The following SLCO1B3 variants were observed in gnomAD, a reference collection of about 807,000 sequenced individuals.
SLCO1B3 encodes the protein solute carrier organic anion transporter family member 1B3, also known as liver-specific organic anion transporter 2.
In SLCO1B3, 72 loss-of-function variants were observed where a neutral mutation model predicts 71.8. The observed-to-expected ratio is 1.00, with a 90% CI of 0.83 to 1.22. The LOEUF (loss-of-function observed/expected upper bound fraction) is 1.22. SLCO1B3 is among the 50% of genes most tolerant of loss of function. The probability of loss-of-function intolerance (pLI) is 0.00; values close to 1 mark genes in which losing one functional copy is unlikely to be tolerated. For synonymous variants in SLCO1B3, 298 were observed against 278.4 expected (o/e 1.07, Z -0.70); for missense variants, 911 against 819.7 (o/e 1.11, Z -1.36).
chr12:20,819,626 G>A (rs1007876464), intron 3 of SLCO1B3, among the ~76,000 whole-genome samples: 3 of 152,182 alleles, frequency 2.0e-5, no homozygotes, highest in African/African-American at 7.2e-5. Flanking sequence ...TAACTTGTAA[G>A]GCTTGTCTGG....
chr12:20,889,427 T>C (rs1386973441), intron 13 of SLCO1B3, among the ~76,000 whole-genome samples: 1 of 152,138 alleles, frequency 6.6e-6, no homozygotes, highest in Non-Finnish European at 1.5e-5. Context: ...GGTTCAAACG[T>C]GTGAGGTTGT....
At chr12:20,847,685 C>T (rs1252150965) in intron 3 of SLCO1B3, among the ~76,000 whole-genome samples, 3 of 150,668 alleles carry the variant, frequency 2.0e-5, no homozygotes, top group Admixed American at 1.3e-4. Flanking sequence ...AAATTTCAGT[C>T]TGAGAAGCAG....
intron 14 of SLCO1B3, 82 bp from the exon 15 acceptor site, chr12:20,901,268 C>T: frequency 1.1e-6 from 1 of 918,898 alleles, no homozygotes; most frequent in East Asian, 2.8e-5. Flanking sequence ...TGTATTAATC[C>T]AAAATGTATC....
intron 4 of SLCO1B3, among the ~76,000 whole-genome samples, chr12:20,856,132 T>C (rs905363618): frequency 1.3e-5 from 2 of 152,224 alleles, no homozygotes; most frequent in African/African-American, 4.8e-5. Context: ...AATTGGAATG[T>C]TATTAGTTTT....
chr12:20,900,312 A>C (rs1866101841), intron 14 of SLCO1B3, among the ~76,000 whole-genome samples: 1 of 152,130 alleles, frequency 6.6e-6, no homozygotes, highest in African/African-American at 2.4e-5. Flanking sequence ...TTCATGTATA[A>C]ATCACTGTCA....
chr12:20,906,704 A>G (rs1369720624), intron 15 of SLCO1B3, among the ~76,000 whole-genome samples: 1 of 152,186 alleles, frequency 6.6e-6, no homozygotes, highest in Non-Finnish European at 1.5e-5. Flanking sequence ...TGAAACATAT[A>G]AAAAGATTGC....
intron 1 of SLCO1B3, among the ~76,000 whole-genome samples, chr12:20,813,290 T>G (rs1263052304): frequency 6.6e-6 from 1 of 152,206 alleles, no homozygotes; most frequent in Non-Finnish European, 1.5e-5. Context: ...GCAGTAGATC[T>G]TCATTATTCA....
intron 9 of SLCO1B3, 145 bp from the exon 10 acceptor site, chr12:20,877,627 C>A: frequency 3.2e-6 from 1 of 314,116 alleles, no homozygotes; most frequent in Non-Finnish European, 5.5e-6. Context: ...TCACATGTTC[C>A]ATTTATTTTG....
chr12:20,852,328 A>C (rs1423389828), intron 3 of SLCO1B3, among the ~76,000 whole-genome samples: 1 of 151,984 alleles, frequency 6.6e-6, no homozygotes, highest in Non-Finnish European at 1.5e-5. Context: ...AAAAAAAAGT[A>C]ATTAGTTAGG....
chr12:20,830,111 T>A (rs987345902), intron 3 of SLCO1B3, among the ~76,000 whole-genome samples: 27 of 151,956 alleles, frequency 1.8e-4, no homozygotes, highest in Non-Finnish European at 3.4e-4. Context: ...CAAGATGGAG[T>A]TGCTCTGGTT....
At chr12:20,828,333 A>G (rs1864470386) in intron 3 of SLCO1B3, among the ~76,000 whole-genome samples, 1 of 152,006 alleles carries the variant, frequency 6.6e-6, no homozygotes, top group African/African-American at 2.4e-5. Flanking sequence ...AACACAATAC[A>G]AAAACAGGCA....
In SLCO1B3 at chr12:20,916,321, C is replaced by G; in HGVS notation, c.*74C>G. ...TCACTGACAATTCCAACATTCTTTACTTACAGTGGACCAATGGATAAGTCT... is the reference window on the plus strand; with the variant it reads ...TCACTGACAATTCCAACATTCTTTAGTTACAGTGGACCAATGGATAAGTCT... On this transcript the variant is annotated 3_prime_UTR_variant, in exon 16 of 16. Transcript: ENST00000381545. 7.1e-7 allele frequency: 1 copy of G among 1,413,760 alleles called. No individual in the cohort carries two copies. Among genetic ancestry groups the G allele is most frequent in the Non-Finnish European group, 9.8e-7 (1 of 1,022,954 alleles). 87.6% of individuals were successfully genotyped at this position (1,413,760 alleles called of 1,614,324 possible).
At chr12:20,860,597 CTTTGTGTGTGTGTGTGTG>C (rs1240587770) in intron 5 of SLCO1B3, among the ~76,000 whole-genome samples, 1 of 80,156 alleles carries the variant, frequency 1.2e-5, no homozygotes, top group Non-Finnish European at 2.7e-5. Context: ...AAGTCAAGCA[CTTTGTGTGTGTGTGTGTG>C]TGTGTGTGTG....
intron 9 of SLCO1B3, among the ~76,000 whole-genome samples, chr12:20,876,381 C>T (rs1019597118): frequency 9.2e-5 from 14 of 152,272 alleles, no homozygotes; most frequent in African/African-American, 3.4e-4. Context: ...TGAAGCAGTG[C>T]AACCAACACT....
chr12:20,887,604 T>C (rs138133747), intron 13 of SLCO1B3, among the ~76,000 whole-genome samples: 35 of 152,108 alleles, frequency 2.3e-4, no homozygotes, highest in African/African-American at 7.7e-4. Context: ...TTCTTGTAGA[T>C]TCTGGATATT....
chr12:20,811,489 T>C (rs543418880), intron 1 of SLCO1B3, among the ~76,000 whole-genome samples: 167 of 152,332 alleles, frequency 1.1e-3, no homozygotes, highest in Middle Eastern at 0.01. Context: ...TAGGAAATGC[T>C]GTTTTCCCTT....
intron 3 of SLCO1B3, among the ~76,000 whole-genome samples, chr12:20,823,776 G>A (rs1168095273): frequency 3.3e-5 from 5 of 152,130 alleles, no homozygotes. Flanking sequence ...TCTTTCTGAG[G>A]TCTTAAGAAA....
At chr12:20,859,131 T>A (rs955452790) in intron 5 of SLCO1B3, among the ~76,000 whole-genome samples, 4 of 152,238 alleles carry the variant, frequency 2.6e-5, no homozygotes, top group Non-Finnish European at 4.4e-5. Flanking sequence ...TGCATGGCCT[T>A]GTCCTCTTGT....
intron 3 of SLCO1B3, among the ~76,000 whole-genome samples, chr12:20,847,105 C>T (rs749657202): frequency 6.6e-6 from 1 of 152,042 alleles, no homozygotes; most frequent in Non-Finnish European, 1.5e-5. Context: ...ATTTAGAAAG[C>T]CTCGCATATG....
Sources: allele counts gnomAD v4.1 joint callset (sites outside exome capture counted in the v4.1 genomes callset), GRCh38; gene constraint gnomAD v4.1.1; transcripts MANE v1.5; gene names NCBI Gene and HGNC (gene_info 2026-07-23, HGNC 2026-07-21).